CDK11B: variants seen among roughly 807,000 people sequenced by gnomAD.
CDK11B encodes the protein cyclin dependent kinase 11B, also known as cyclin-dependent kinase 11B.
CDK11B carries 37 observed loss-of-function variants against 84.0 expected under a neutral mutation model. That is an observed-to-expected ratio of 0.44 (90% CI 0.34 to 0.58). CDK11B has a LOEUF of 0.58. Among genes scored for constraint, CDK11B ranks in the 20% least tolerant of loss-of-function variants. The pLI is 0.02. For missense variants in CDK11B, 427 were observed against 834.0 expected (o/e 0.51, Z 6.01); for synonymous variants, 269 against 309.8 (o/e 0.87, Z 1.38).
Position 1,658,929 on chromosome 1 carries a change from G to A in CDK11B, c.-29C>T, listed in dbSNP as rs1322681962. 1.0e-5 allele frequency: 2 copies of A among 193,312 alleles called. No homozygotes were observed. The highest frequency in any genetic ancestry group is 1.1e-5 in the Non-Finnish European group (1 of 94,020). The allele number at this position is 193,312 out of a possible 1,614,324, so 12.0% of individuals were successfully genotyped here. ...CGGAACTCACCCCTACGCCGCCGCC[G>A]CTGCCGCCGCCGCCGCCGCCGGTCC... On this transcript the variant is annotated 5_prime_UTR_variant, in exon 1 of 20. Transcript: ENST00000341832.
chr1:1,650,501 T>C (rs1256066394), intron 4 of CDK11B, among the ~76,000 whole-genome samples: 1 of 149,768 alleles, frequency 6.7e-6, no homozygotes, highest in African/African-American at 2.5e-5. Context: ...GAGTAGCTGG[T>C]ACTACAGGCG....
intron 5 of CDK11B, among the ~76,000 whole-genome samples, chr1:1,647,158 TTC>T (rs1376131438): frequency 4.9e-4 from 74 of 152,332 alleles, no homozygotes; most frequent in Admixed American, 2.3e-3. Context: ...TCTTGTTTTT[TTC>T]TCTCTGTTCT....
At chr1:1,638,929 T>C (rs1639814345) in intron 11 of CDK11B, among the ~76,000 whole-genome samples, 1 of 148,778 alleles carries the variant, frequency 6.7e-6, no homozygotes, top group Non-Finnish European at 1.5e-5. Context: ...AGCAACACTC[T>C]GTTTTCTATT....
chr1:1,648,061 G>C (rs1443776530), intron 5 of CDK11B, among the ~76,000 whole-genome samples: 1 of 152,290 alleles, frequency 6.6e-6, no homozygotes, highest in Non-Finnish European at 1.5e-5. Context: ...TCAGAGACAA[G>C]GTCTCCCTAC....
rs1268031709 is a variant in CDK11B at position 1,635,560 on chromosome 1, G to A, written c.*204C>T. 42 of 505,562 alleles carry A rather than the reference G, an allele frequency of 8.3e-5. 11 individuals are homozygous for A. Among genetic ancestry groups the A allele is most frequent in the Non-Finnish European group, 1.2e-4 (37 of 296,918 alleles). 31.3% of individuals were successfully genotyped at this position (505,562 alleles called of 1,614,324 possible). Reference sequence around the variant, plus strand: ...CGAAGATGTCCACCCTCTCCGCCCTGGGCAAGTCACGGAGAAAACACAGCT... The same window carrying A: ...CGAAGATGTCCACCCTCTCCGCCCTAGGCAAGTCACGGAGAAAACACAGCT... On this transcript the variant is annotated 3_prime_UTR_variant, in exon 20 of 20. Transcript: ENST00000341832.
intron 5 of CDK11B, chr1:1,646,737 G>A (rs1271412339): frequency 1.9e-6 from 1 of 519,916 alleles, no homozygotes; most frequent in Non-Finnish European, 3.9e-6. Flanking sequence ...CTGCTTCTCA[G>A]GGAATGTCGT....
chr1:1,649,954 C>CA (rs1294913578), intron 4 of CDK11B, among the ~76,000 whole-genome samples: 21,361 of 87,112 alleles, frequency 0.25, 2,239 homozygotes, highest in Middle Eastern at 0.31. Flanking sequence ...ACAGCCTGGG[C>CA]AAAAAAAAAA....
chr1:1,658,000 C>T (rs570821816), intron 1 of CDK11B, among the ~76,000 whole-genome samples: 112 of 150,048 alleles, frequency 7.5e-4, no homozygotes, highest in African/African-American at 2.6e-3. Context: ...CGGCGAAAAC[C>T]CTGTCTCCAC....
rs1409606664 is a variant in CDK11B at position 1,638,555 on chromosome 1, G to A, written c.1287C>T (p.Asn429=). Residue 429 remains asparagine, a synonymous_variant, in exon 12 of 20, where the codon AAC becomes AAT. Transcript: ENST00000341832. ...CTCCATAGGTGCCCTCCTCGATCCT[G>A]TTCAGGCACTGGAACTCCTCGACGC... ...CRSVEEFQCL[N]RIEEGTYGVV... 6.9e-7 allele frequency: 1 copy of A among 1,443,870 alleles called. No homozygotes were observed. The highest frequency in any genetic ancestry group is 1.7e-5 in the Admixed American group (1 of 58,584). 89.4% of individuals were successfully genotyped at this position (1,443,870 alleles called of 1,614,324 possible).
In CDK11B at chr1:1,636,425, G is replaced by A. The variant is rs753101015; in HGVS notation, c.1974C>T (p.Val658=). ...GGTGCTCGCTGAAGGTCATCTTCTT[G>A]ACTGCTGGGAGCTCGCTGTAGCCGG... The part of the protein sequence containing the change: ...IWPGYSELPA[V]KKMTFSEHPY... Residue 658 remains valine (V), a synonymous_variant, in exon 18 of 20, where the codon GTC becomes GTT. Coordinates refer to ENST00000341832, the MANE Select transcript of CDK11B (RefSeq NM_033486.3). 1.2e-5 allele frequency: 19 copies of A among 1,613,138 alleles called. No individual in the cohort carries two copies. Among genetic ancestry groups the A allele is most frequent in the Non-Finnish European group, 1.6e-5 (19 of 1,179,476 alleles).
intron 11 of CDK11B, among the ~76,000 whole-genome samples, 178 bp from the exon 12 acceptor site, chr1:1,638,768 C>T (rs1419508965): frequency 6.6e-6 from 1 of 152,262 alleles, no homozygotes; most frequent in Non-Finnish European, 1.5e-5. Flanking sequence ...CTTGCAAAAC[C>T]ATCTGACACT....
At chr1:1,649,466 T>C in intron 5 of CDK11B, 33 bp downstream of exon 5, 4 of 1,476,308 alleles carry the variant, frequency 2.7e-6, no homozygotes, top group African/African-American at 2.8e-5. Flanking sequence ...CACAGCCCTT[T>C]TATAAAGTCC....
At chr1:1,641,191 A>G (rs1181779794) in intron 9 of CDK11B, 78 bp from the exon 10 acceptor site, 2 of 1,554,082 alleles carry the variant, frequency 1.3e-6, no homozygotes, top group Non-Finnish European at 8.7e-7. Context: ...GCTCCGCTTC[A>G]GCTAAGCAAC....
At chr1:1,639,812 G>T (rs1456388302) in intron 11 of CDK11B, among the ~76,000 whole-genome samples, 1 of 152,080 alleles carries the variant, frequency 6.6e-6, no homozygotes, top group South Asian at 2.1e-4. Context: ...ACAATATCCT[G>T]CCTTATTGAT....
Position 1,649,351 on chromosome 1 carries a change from T to G in CDK11B, c.494+148A>C, listed in dbSNP as rs1267949299. 1.9e-5 allele frequency: 11 copies of G among 594,502 alleles called. No homozygotes were observed. The Admixed American group carries it at 3.2e-4, about 18-fold the overall frequency. The allele number at this position is 594,502 out of a possible 1,614,324, so 36.8% of individuals were successfully genotyped here. ...CTCCTCACCTCATGATCCGCCCACC[T>G]CGGCCTCCCAAAGTGCTGGGATTAC... On this transcript the variant is annotated intron_variant, in intron 5 of 19. Transcript: ENST00000341832.
At chr1:1,653,171 T>C (rs1289867129) in intron 3 of CDK11B, among the ~76,000 whole-genome samples, 4 of 151,754 alleles carry the variant, frequency 2.6e-5, no homozygotes, top group African/African-American at 9.7e-5. Context: ...ATTACAGGCA[T>C]GCGCCACCAC....
chr1:1,658,194 T>C (rs1220876743), intron 1 of CDK11B, among the ~76,000 whole-genome samples: 2 of 149,514 alleles, frequency 1.3e-5, no homozygotes, highest in Non-Finnish European at 2.9e-5. Flanking sequence ...AATGATAAGT[T>C]GTAAGCCAGG....
At position 1,657,399 on chromosome 1, in the gene CDK11B, T is replaced by C. The variant is rs1265216302; in HGVS notation, c.87A>G (p.Lys29=). 2 of 1,601,234 alleles carry C rather than the reference T, an allele frequency of 1.2e-6. No homozygotes were observed. The highest frequency in any genetic ancestry group is 2.2e-5 in the East Asian group (1 of 44,568). Residue 29 remains lysine (K), a synonymous_variant, in exon 2 of 20, where the codon AAA becomes AAG. Coordinates refer to ENST00000341832, the MANE Select transcript of CDK11B (RefSeq NM_033486.3). Reference sequence around the variant, plus strand: ...CATTTTTTAAGCGTTTTATCTCTGCTTTCTCCTCTTGTTCCTTCCTTCGTT... The same window carrying C: ...CATTTTTTAAGCGTTTTATCTCTGCCTTCTCCTCTTGTTCCTTCCTTCGTT... ...EKKRRKEQEE[K]AEIKRLKNSD... is the part of the protein sequence containing the mutation.
rs1280085944 is a variant in CDK11B at position 1,635,536 on chromosome 1, G to A, written c.*228C>T. The A allele has an allele frequency of 2.8e-4, 131 of 472,372 alleles. 43 individuals are homozygous for A. In the African/African-American group the frequency reaches 3.0e-3, roughly 11 times the overall value. The allele number at this position is 472,372 out of a possible 1,614,324, so 29.3% of individuals were successfully genotyped here. The stretch of plus-strand genomic sequence containing the variant: ...TTTGTGCTGCCCCACGTGGGCACCC[G>A]AAGATGTCCACCCTCTCCGCCCTGG... On this transcript the variant is annotated 3_prime_UTR_variant, in exon 20 of 20. Transcript: ENST00000341832.
Sources: gnomAD v4.1 joint callset for allele counts (sites outside exome capture counted in the v4.1 genomes callset) on GRCh38, gnomAD v4.1.1 for gene constraint, MANE v1.5 for transcripts, NCBI Gene and HGNC (gene_info 2026-07-23, HGNC 2026-07-21) for gene names.